Variants in STRADB observed in about 807,000 individuals in gnomAD.
STRADB encodes the protein STE20 related adaptor beta.
Under a neutral mutation model 52.1 loss-of-function variants are expected in STRADB, and 34 were observed. The observed-to-expected ratio is 0.65, with a 90% CI of 0.50 to 0.87. The LOEUF (loss-of-function observed/expected upper bound fraction) is 0.87, where lower values mean the gene tolerates loss of function less well. Among genes scored for constraint, STRADB ranks in the 40% least tolerant of loss-of-function variants. The pLI is 0.00. For synonymous variants in STRADB, 133 were observed against 174.5 expected, an observed-to-expected ratio of 0.76 and a Z score of 1.87; for missense variants, 340 against 483.9, an observed-to-expected ratio of 0.70 and a Z score of 2.79.
chr2:201,478,329 T>G (rs762233985), intron 9 of STRADB, 28 bp from the exon 10 acceptor site: 1 of 1,610,034 alleles, frequency 6.2e-7, no homozygotes, highest in South Asian at 1.1e-5. Flanking sequence ...GCCTGAAAAG[T>G]GTTGAAGGAA....
intron 3 of STRADB, among the ~76,000 whole-genome samples, chr2:201,466,267 C>T (rs1214009991): frequency 1.3e-5 from 2 of 152,178 alleles, no homozygotes; most frequent in Non-Finnish European, 2.9e-5. Flanking sequence ...ACTAAGCAAA[C>T]GTTCACAGCT....
intron 7 of STRADB, among the ~76,000 whole-genome samples, chr2:201,476,004 C>G (rs1398785648): frequency 1.3e-5 from 2 of 152,166 alleles, no homozygotes; most frequent in Non-Finnish European, 2.9e-5. Flanking sequence ...CTCACAGTCT[C>G]AATCTAATGA....
intron 2 of STRADB, among the ~76,000 whole-genome samples, chr2:201,455,098 T>C (rs1159500275): frequency 6.6e-6 from 1 of 152,220 alleles, no homozygotes; most frequent in African/African-American, 2.4e-5. Flanking sequence ...ATCTACTTTT[T>C]CTCATAGGTG....
At chr2:201,460,909 G>GT (rs57250433) in intron 3 of STRADB, 107,025 of 138,450 alleles carry the variant, frequency 0.77, 42,725 homozygotes, top group Non-Finnish European at 0.88. Flanking sequence ...TCATATGGTA[G>GT]TTTTTTTTTT....
chr2:201,453,465 A>G (rs1471393432), intron 1 of STRADB, among the ~76,000 whole-genome samples: 1 of 152,070 alleles, frequency 6.6e-6, no homozygotes, highest in Non-Finnish European at 1.5e-5. Flanking sequence ...CTCATTAAAC[A>G]CTTGTGTAAT....
At chr2:201,475,953 G>T (rs1163993252) in intron 7 of STRADB, among the ~76,000 whole-genome samples, 2 of 152,164 alleles carry the variant, frequency 1.3e-5, no homozygotes, top group African/African-American at 4.8e-5. Context: ...TCTGTGCCAA[G>T]CAGTTATTGG....
intron 3 of STRADB, among the ~76,000 whole-genome samples, chr2:201,460,308 CATATG>C (rs1316564341): frequency 6.6e-6 from 1 of 152,078 alleles, no homozygotes; most frequent in Non-Finnish European, 1.5e-5. Flanking sequence ...TTGATACAGA[CATATG>C]ATATGTAATA....
Position 201,478,615 on chromosome 2 carries a change from C to G in STRADB, c.1070+14C>G, listed in dbSNP as rs369293652. 1.2e-6 allele frequency: 2 copies of G among 1,610,172 alleles called. No homozygotes were observed. Among genetic ancestry groups the G allele is most frequent in the African/African-American group, 2.7e-5 (2 of 74,626 alleles). On this transcript the variant is annotated intron_variant, in intron 10 of 11. Transcript: ENST00000194530. The stretch of plus-strand genomic sequence containing the variant: ...TCCTGAGAAAAGGTAATATTGATCT[C>G]TTTTAAATAGCACAAAATGTACATG...
chr2:201,468,537 G>T (rs1362823993), intron 3 of STRADB, among the ~76,000 whole-genome samples: 1 of 152,056 alleles, frequency 6.6e-6, no homozygotes, highest in Non-Finnish European at 1.5e-5. Context: ...TGGGCCTGGA[G>T]GTTTGAACCT....
chr2:201,458,865 G>A lies in STRADB; in HGVS notation c.93+1G>A, dbSNP rs1279033548. ...TGAAACCAGTATCCATCAATACTTG[G>A]TAAGAAAATGGTTAGGCTGGATGCA... On this transcript the variant is annotated splice_donor_variant, in intron 3 of 11. Transcript: ENST00000194530. LOFTEE classifies it high-confidence loss of function. The A allele has an allele frequency of 6.2e-7, 1 of 1,612,348 alleles. No individual in the cohort carries two copies. Among genetic ancestry groups the A allele is most frequent in the Admixed American group, 1.7e-5 (1 of 59,852 alleles).
intron 3 of STRADB, among the ~76,000 whole-genome samples, chr2:201,463,537 A>T (rs1202876487): frequency 6.6e-6 from 1 of 151,946 alleles, no homozygotes; most frequent in Non-Finnish European, 1.5e-5. Context: ...TTTTGGGTTA[A>T]ATCTGCTGGG....
At chr2:201,461,278 T>C (rs1409210181) in intron 3 of STRADB, among the ~76,000 whole-genome samples, 1 of 152,156 alleles carries the variant, frequency 6.6e-6, no homozygotes, top group Non-Finnish European at 1.5e-5. Flanking sequence ...AGCCTTTAAC[T>C]CCTGGGTTCA....
At chr2:201,459,738 A>C (rs558890622) in intron 3 of STRADB, among the ~76,000 whole-genome samples, 1 of 152,266 alleles carries the variant, frequency 6.6e-6, no homozygotes, top group South Asian at 2.1e-4. Context: ...ATCGCTTTCC[A>C]GCTTTGAAAC....
At position 201,479,209 on chromosome 2, in the gene STRADB, C is replaced by G. The variant is rs537650726; in HGVS notation, c.1071-280C>G. 41 of 317,626 alleles carry G rather than the reference C, an allele frequency of 1.3e-4. No individual in the cohort carries two copies. The Middle Eastern group carries it at 6.5e-3, about 51-fold the overall frequency. 19.7% of individuals were successfully genotyped at this position (317,626 alleles called of 1,614,324 possible). A position where few individuals can be genotyped will look rare whatever the true frequency, so the allele number is the denominator to read the frequency against. ...TAATTAGCACATTTACGTTAAGACTCTAAGTAGTATAAAATGTAAATTGCT... is the reference window on the plus strand; with the variant it reads ...TAATTAGCACATTTACGTTAAGACTGTAAGTAGTATAAAATGTAAATTGCT... On this transcript the variant is annotated intron_variant, in intron 10 of 11. Coordinates refer to ENST00000194530, the MANE Select transcript of STRADB (RefSeq NM_018571.6).
chr2:201,463,268 A>G (rs1372361229), intron 3 of STRADB, among the ~76,000 whole-genome samples: 2 of 138,116 alleles, frequency 1.4e-5, no homozygotes, highest in African/African-American at 2.7e-5. Context: ...TGGGAGGTGG[A>G]GGTTGCAGTG....
chr2:201,467,276 A>G (rs1236794578), intron 3 of STRADB, among the ~76,000 whole-genome samples: 2 of 152,230 alleles, frequency 1.3e-5, no homozygotes, highest in Non-Finnish European at 2.9e-5. Flanking sequence ...AATTCATATC[A>G]CAGTACTTCC....
rs1559469532 is a variant in STRADB at position 201,478,155 on chromosome 2, T to TG, written c.792dup (p.Gln265AlafsTer9). On this transcript the variant is annotated frameshift_variant, in exon 9 of 12. Transcript: ENST00000194530. LOFTEE classifies it high-confidence loss of function. ...GGATTACAGCATGTGAATTAGCCAG[T>TG]GGGCAGGTGCCTTTCCAGGACATGC... The TG allele has an allele frequency of 6.2e-7, 1 of 1,613,814 alleles. No homozygotes were observed. The highest frequency in any genetic ancestry group is 1.3e-5 in the African/African-American group (1 of 75,050).
intron 1 of STRADB, among the ~76,000 whole-genome samples, chr2:201,452,369 A>G (rs933053798): frequency 6.6e-6 from 1 of 152,204 alleles, no homozygotes; most frequent in Non-Finnish European, 1.5e-5. Context: ...AAAGTCCCCC[A>G]TAGCAGGACT....
chr2:201,460,245 A>G (rs1476444341), intron 3 of STRADB, among the ~76,000 whole-genome samples: 1 of 152,188 alleles, frequency 6.6e-6, no homozygotes, highest in Non-Finnish European at 1.5e-5. Context: ...TTTTTTAAAA[A>G]AAAATTTGGA....
Sources: gnomAD v4.1 joint callset for allele counts (sites outside exome capture counted in the v4.1 genomes callset) on GRCh38, gnomAD v4.1.1 for gene constraint, MANE v1.5 for transcripts, NCBI Gene and HGNC (gene_info 2026-07-23, HGNC 2026-07-21) for gene names.